The following RBMS3 variants were observed in gnomAD, a reference collection of about 807,000 sequenced individuals.
The protein encoded by RBMS3 is RNA binding motif single stranded interacting protein 3, also known as RNA-binding motif, single-stranded-interacting protein 3.
RBMS3 carries 27 observed loss-of-function variants against 66.8 expected under a neutral mutation model. The observed-to-expected ratio is 0.40, with a 90% CI of 0.30 to 0.56. The LOEUF (loss-of-function observed/expected upper bound fraction) is 0.56. RBMS3 is among the 20% of genes least tolerant of loss of function. The probability of loss-of-function intolerance (pLI) is 0.40; values close to 1 mark genes in which losing one functional copy is unlikely to be tolerated. For synonymous variants in RBMS3, 188 were observed against 183.0 expected (o/e 1.03, Z -0.22); for missense variants, 513 against 549.5 (o/e 0.93, Z 0.66).
chr3:29,400,339 C>T (rs1349213543), intron 1 of RBMS3, among the ~76,000 whole-genome samples: 1 of 151,918 alleles, frequency 6.6e-6, no homozygotes, highest in African/African-American at 2.4e-5. Context: ...AATTACTGTA[C>T]AATTCCACTT....
intron 3 of RBMS3, among the ~76,000 whole-genome samples, chr3:29,543,811 T>G (rs2045852536): frequency 1.3e-5 from 2 of 152,216 alleles, no homozygotes; most frequent in Non-Finnish European, 2.9e-5. Context: ...AACCTGATCC[T>G]GAAGGAACTA....
chr3:29,592,396 C>A (rs1201256021), intron 4 of RBMS3, among the ~76,000 whole-genome samples: 3 of 152,070 alleles, frequency 2.0e-5, no homozygotes, highest in Non-Finnish European at 4.4e-5. Context: ...AGCCAACAGA[C>A]ACATGAAAAA....
At chr3:29,576,371 C>A (rs920050418) in intron 3 of RBMS3, among the ~76,000 whole-genome samples, 3 of 152,184 alleles carry the variant, frequency 2.0e-5, no homozygotes, top group African/African-American at 7.2e-5. Context: ...TGGTGATGCA[C>A]TGGGATTGAC....
chr3:29,994,605 C>G (rs1327122397), intron 14 of RBMS3, among the ~76,000 whole-genome samples: 1 of 152,242 alleles, frequency 6.6e-6, no homozygotes, highest in East Asian at 1.9e-4. Context: ...ACTGCCTCCT[C>G]AAGTGGGTCC....
chr3:29,669,770 A>G (rs142299478), intron 4 of RBMS3, among the ~76,000 whole-genome samples: 75 of 151,606 alleles, frequency 4.9e-4, no homozygotes, highest in African/African-American at 1.8e-3. Context: ...GTTCAGTGCT[A>G]GTTTTGTTGT....
chr3:29,965,333 T>C (rs1696757425), intron 12 of RBMS3, among the ~76,000 whole-genome samples: 1 of 152,198 alleles, frequency 6.6e-6, no homozygotes, highest in Non-Finnish European at 1.5e-5. Flanking sequence ...CTAGTTTACA[T>C]TCCCACCAGC....
intron 1 of RBMS3, among the ~76,000 whole-genome samples, chr3:29,356,379 T>G (rs2037223007): frequency 1.3e-5 from 2 of 152,182 alleles, no homozygotes; most frequent in Admixed American, 1.3e-4. Context: ...GTTACCCAGC[T>G]GTCAAGCAAT....
chr3:29,828,323 T>C (rs2058263760), intron 6 of RBMS3, among the ~76,000 whole-genome samples: 1 of 152,160 alleles, frequency 6.6e-6, no homozygotes, highest in African/African-American at 2.4e-5. Flanking sequence ...TTGTTAGTAT[T>C]ATATTATTCT....
chr3:29,562,365 A>C (rs2046587800), intron 3 of RBMS3, among the ~76,000 whole-genome samples: 1 of 152,166 alleles, frequency 6.6e-6, no homozygotes, highest in African/African-American at 2.4e-5. Flanking sequence ...TTCTTATCTG[A>C]AATTTCTCAA....
intron 6 of RBMS3, among the ~76,000 whole-genome samples, chr3:29,800,422 T>C (rs1017481091): frequency 6.6e-6 from 1 of 152,220 alleles, no homozygotes; most frequent in Non-Finnish European, 1.5e-5. Flanking sequence ...AAAGTATTCA[T>C]ATGTCTTACA....
chr3:29,793,667 T>C (rs767150240), intron 6 of RBMS3, among the ~76,000 whole-genome samples: 2 of 152,244 alleles, frequency 1.3e-5, no homozygotes, highest in Non-Finnish European at 2.9e-5. Flanking sequence ...ACTAAGCTGG[T>C]AATCAGATGA....
intron 3 of RBMS3, among the ~76,000 whole-genome samples, chr3:29,580,981 C>T (rs2047310013): frequency 6.6e-6 from 1 of 152,142 alleles, no homozygotes; most frequent in African/African-American, 2.4e-5. Context: ...GTATCAACTC[C>T]CTGCATTTTA....
At chr3:29,355,147 G>C (rs2037141722) in intron 1 of RBMS3, among the ~76,000 whole-genome samples, 1 of 152,070 alleles carries the variant, frequency 6.6e-6, no homozygotes, top group Admixed American at 6.6e-5. Flanking sequence ...GCTCCTGCCA[G>C]ACTGCATGTT....
At chr3:29,394,889 C>G (rs769695489) in intron 1 of RBMS3, among the ~76,000 whole-genome samples, 1 of 152,040 alleles carries the variant, frequency 6.6e-6, no homozygotes, top group Non-Finnish European at 1.5e-5. Flanking sequence ...TTTTCCACTC[C>G]GCATTCCACC....
intron 4 of RBMS3, among the ~76,000 whole-genome samples, chr3:29,595,462 C>G (rs534453200): frequency 4.0e-5 from 6 of 151,814 alleles, no homozygotes; most frequent in Admixed American, 3.3e-4. Flanking sequence ...AACTTTCATC[C>G]TGCCTCTTTG....
intron 12 of RBMS3, among the ~76,000 whole-genome samples, chr3:29,982,213 A>C (rs1289954137): frequency 6.6e-6 from 1 of 152,078 alleles, no homozygotes; most frequent in Non-Finnish European, 1.5e-5. Flanking sequence ...ATTTGCATAG[A>C]GGTGTTTATA....
At chr3:29,586,735 A>C (rs1174921329) in intron 3 of RBMS3, among the ~76,000 whole-genome samples, 1 of 151,940 alleles carries the variant, frequency 6.6e-6, no homozygotes, top group Non-Finnish European at 1.5e-5. Flanking sequence ...TGAGGTTTTG[A>C]AAATTAACTT....
chr3:29,692,579 A>G (rs766812386), intron 4 of RBMS3, among the ~76,000 whole-genome samples: 2 of 152,144 alleles, frequency 1.3e-5, no homozygotes, highest in Non-Finnish European at 2.9e-5. Flanking sequence ...TTTATTTGAC[A>G]ACCTAATCAA....
chr3:29,997,923 A>G (rs1699357673), intron 14 of RBMS3, among the ~76,000 whole-genome samples: 1 of 152,222 alleles, frequency 6.6e-6, no homozygotes, highest in Non-Finnish European at 1.5e-5. Context: ...GGCCAGGGCA[A>G]TCAGCCAGGA....
Sources: gnomAD v4.1 joint callset for allele counts (sites outside exome capture counted in the v4.1 genomes callset) on GRCh38, gnomAD v4.1.1 for gene constraint, MANE v1.5 for transcripts, NCBI Gene and HGNC (gene_info 2026-07-23, HGNC 2026-07-21) for gene names.